PZP: variants seen among roughly 807,000 people sequenced by gnomAD.
PZP encodes PZP alpha-2-macroglobulin like.
PZP carries 150 observed loss-of-function variants against 179.8 expected under a neutral mutation model. That is an observed-to-expected ratio of 0.83 (90% CI 0.73 to 0.96). The LOEUF (loss-of-function observed/expected upper bound fraction) is 0.96. PZP is among the 40% of genes least tolerant of loss of function. The pLI, the probability that PZP is intolerant of heterozygous loss-of-function variation, is 0.00. For synonymous variants in PZP, 624 were observed against 652.3 expected, an observed-to-expected ratio of 0.96 and a Z score of 0.66; for missense variants, 1,689 against 1,764.0, an observed-to-expected ratio of 0.96 and a Z score of 0.76.
chr12:9,197,418 TA>T (rs1489366975), intron 7 of PZP, among the ~76,000 whole-genome samples: 2 of 138,082 alleles, frequency 1.4e-5, no homozygotes, highest in Non-Finnish European at 3.0e-5. Flanking sequence ...AATGTTTAAT[TA>T]AAATAATTAT....
At chr12:9,174,277 T>C (rs748186122) in intron 15 of PZP, among the ~76,000 whole-genome samples, 7 of 152,040 alleles carry the variant, frequency 4.6e-5, no homozygotes, top group African/African-American at 7.2e-5. Flanking sequence ...AAATTCAACA[T>C]CCCTTTATGT....
chr12:9,157,396 A>G (rs1334604455), intron 27 of PZP, 41 bp from the exon 28 acceptor site: 2 of 1,576,656 alleles, frequency 1.3e-6, no homozygotes, highest in Non-Finnish European at 1.7e-6. Flanking sequence ...TAGGGTGAAT[A>G]GAGGGCAGAG....
the PZP span, among the ~76,000 whole-genome samples, chr12:9,141,937 A>G: frequency 5.3e-5 from 8 of 152,216 alleles, no homozygotes; most frequent in African/African-American, 1.9e-4. Flanking sequence ...TAAGAGTTAT[A>G]TGGCATTTTA....
Position 9,197,609 on chromosome 12 carries a change from A to C in PZP, c.756-486T>G, listed in dbSNP as rs1242012105. Among the ~76,000 whole-genome samples the C allele has an allele frequency of 3.3e-4, 34 of 102,604 alleles. 1 individual carries two copies. Among genetic ancestry groups the C allele is most frequent in the African/African-American group, 1.4e-3 (34 of 24,952 alleles). The allele number at this position is 102,604 out of a possible 152,430, so 67.3% of individuals were successfully genotyped here. ...AATATAATATATAAATATAATATATATTATATATTTATATATTATATTATA... is the reference window on the plus strand; with the variant it reads ...AATATAATATATAAATATAATATATCTTATATATTTATATATTATATTATA... On this transcript the variant is annotated intron_variant, in intron 7 of 35. Transcript: ENST00000261336.
intron 1 of PZP, among the ~76,000 whole-genome samples, chr12:9,205,410 T>C (rs1338863471): frequency 2.6e-5 from 4 of 152,218 alleles, no homozygotes; most frequent in Non-Finnish European, 4.4e-5. Context: ...ACAAGAATTG[T>C]TAAGCTGTCT....
chr12:9,182,932 C>G (rs1465767896), intron 13 of PZP, among the ~76,000 whole-genome samples: 1 of 152,192 alleles, frequency 6.6e-6, no homozygotes, highest in Admixed American at 6.5e-5. Flanking sequence ...TCCCTCCTGT[C>G]CCAGATTCCC....
At chr12:9,152,657 G>A (rs1940445172) in intron 31 of PZP, among the ~76,000 whole-genome samples, 167 bp downstream of exon 31, 1 of 152,100 alleles carries the variant, frequency 6.6e-6, no homozygotes, top group African/African-American at 2.4e-5. Flanking sequence ...TATATTTTTA[G>A]TAGAGAAAGG....
chr12:9,178,337 C>T (rs1192188412), intron 15 of PZP, among the ~76,000 whole-genome samples: 3 of 152,168 alleles, frequency 2.0e-5, no homozygotes. Flanking sequence ...CCACTCCCTG[C>T]CCCTTAGTCA....
rs570095281 is a variant in PZP, at chr12:9,197,026, C to T, written c.853G>A (p.Glu285Lys). The change falls in exon 8 of 36, where the codon GAA (glutamate) becomes AAA (lysine). Residue 285 changes from glutamate (E) to lysine (K), a missense_variant. Physicochemically the swap from Glu to Lys is moderately conservative, Grantham distance 56. Around this residue, in one of 3 missense-constraint regions of PZP, gnomAD observed 742 missense variants for 730.5 expected, o/e 1.02. Coordinates refer to ENST00000261336, the MANE Select transcript of PZP (RefSeq NM_002864.3). ...LNCDKQEVCE[E>K]FSQQLNSNGC... is the part of the protein sequence containing the mutation. ...CGCCTACTAACCTGTTGACTGAATT[C>T]CTCACAGACCTCCTGCTTGTCACAA... is the stretch of plus-strand genomic sequence containing the variant. 1.5e-5 allele frequency: 24 copies of T among 1,611,040 alleles called. No homozygotes were observed. Among genetic ancestry groups the T allele is most frequent in the Non-Finnish European group, 2.0e-5 (24 of 1,177,612 alleles).
intron 25 of PZP, among the ~76,000 whole-genome samples, chr12:9,159,734 C>A (rs184268238): frequency 1.3e-5 from 2 of 151,370 alleles, no homozygotes; most frequent in African/African-American, 4.9e-5. Context: ...AGAGTCCACA[C>A]CAGCAAGAAG....
Position 9,170,405 on chromosome 12 carries a change from C to T in PZP, c.1840-814G>A, listed in dbSNP as rs58684396. Reference sequence around the variant, plus strand: ...AGAAACCCTGGAGTTTTACATAATCCGGCCCTGGGATCCCTGGAAAGGCAG... The same window carrying T: ...AGAAACCCTGGAGTTTTACATAATCTGGCCCTGGGATCCCTGGAAAGGCAG... On this transcript the variant is annotated intron_variant, in intron 15 of 35. Coordinates refer to ENST00000261336, the MANE Select transcript of PZP (RefSeq NM_002864.3). This position sits in a 1 kb window ranked among gnomAD's most constrained non-coding sequence, Gnocchi z 4.6. 0.011 allele frequency among the ~76,000 whole-genome samples: 1,729 copies of T among 152,260 alleles called. 29 individuals are homozygous for T. The highest frequency in any genetic ancestry group is 0.039 in the African/African-American group (1,623 of 41,532).
chr12:9,168,901 G>A lies in PZP; in HGVS notation c.2075C>T (p.Ser692Phe). 1 of 1,613,998 alleles carries A rather than the reference G, an allele frequency of 6.2e-7. No homozygotes were observed. ...PKSCSVIPSVSAGAVGQGYYG... is the reference protein window; with the variant it reads ...PKSCSVIPSVFAGAVGQGYYG... ...GTATCCTTGACCTACTGCTCCTGCA[G>A]ACACGGAAGGGATGACTGAACACGA... Residue 692 changes from serine (S) to phenylalanine (F), a missense_variant, in exon 17 of 36, where the codon TCT (serine) becomes TTT (phenylalanine). Physicochemically the swap from Ser to Phe is radical, Grantham distance 155. This residue lies in a region of PZP where 201 missense variants were observed against 284.2 expected (regional missense o/e 0.71). Transcript: ENST00000261336.
rs760575436 is a variant in PZP at position 9,149,005 on chromosome 12, A to T, written c.4427-11T>A. The T allele has an allele frequency of 2.5e-6, 4 of 1,610,120 alleles. No individual in the cohort carries two copies. Among genetic ancestry groups the T allele is most frequent in the Admixed American group, 3.3e-5 (2 of 59,972 alleles). On this transcript the variant is annotated splice_polypyrimidine_tract_variant and intron_variant, in intron 35 of 35. Coordinates refer to ENST00000261336, the MANE Select transcript of PZP (RefSeq NM_002864.3). ...TTCCATGCTCTGTATCTATGGAGAAAAGAAAAACGTAAGGAGGTTGTATCA... is the reference window on the plus strand; with the variant it reads ...TTCCATGCTCTGTATCTATGGAGAATAGAAAAACGTAAGGAGGTTGTATCA...
At chr12:9,177,640 A>T (rs921784725) in intron 15 of PZP, among the ~76,000 whole-genome samples, 1 of 152,200 alleles carries the variant, frequency 6.6e-6, no homozygotes, top group Non-Finnish European at 1.5e-5. Flanking sequence ...ATAAATGAAC[A>T]TGTATTATTT....
At chr12:9,186,230 G>C (rs563064382) in intron 13 of PZP, among the ~76,000 whole-genome samples, 27 of 152,170 alleles carry the variant, frequency 1.8e-4, no homozygotes, top group Non-Finnish European at 2.8e-4. Flanking sequence ...GTTACCACCA[G>C]ATCCAACTTG....
At chr12:9,200,796 A>G in intron 6 of PZP, 96 bp downstream of exon 6, 1 of 1,304,414 alleles carries the variant, frequency 7.7e-7, no homozygotes, top group Non-Finnish European at 1.1e-6. Flanking sequence ...ACTCTACTGC[A>G]AGTTCAACAT....
At chr12:9,150,798 C>T (rs113053711) in intron 33 of PZP, 52 bp from the exon 34 acceptor site, 5 of 1,122,666 alleles carry the variant, frequency 4.5e-6, no homozygotes, top group African/African-American at 1.5e-5. Flanking sequence ...CCTTCTTTCT[C>T]CCATGAGCAA....
chr12:9,187,852 C>T (rs757421828), intron 13 of PZP, among the ~76,000 whole-genome samples: 1 of 152,300 alleles, frequency 6.6e-6, no homozygotes, highest in East Asian at 1.9e-4. Context: ...GTTACAGCAA[C>T]GGAAGCTTCA....
chr12:9,164,078 T>G (rs954580401), intron 20 of PZP, 55 bp downstream of exon 20: 22 of 1,538,760 alleles, frequency 1.4e-5, no homozygotes, highest in African/African-American at 2.8e-5. Flanking sequence ...AAAAAAGTAC[T>G]CAGACAGCCA....
Sources: gnomAD v4.1 joint callset for allele counts (sites outside exome capture counted in the v4.1 genomes callset) on GRCh38, gnomAD v4.1.1 for gene constraint, gnomAD v4.1.1 regional missense constraint, Gnocchi (gnomAD v3.1) non-coding constraint, MANE v1.5 for transcripts, NCBI Gene and HGNC (gene_info 2026-07-23, HGNC 2026-07-21) for gene names.